Variants in OTOGL observed in about 807,000 individuals in gnomAD.
OTOGL encodes otogelin-like protein.
In OTOGL, 285 loss-of-function variants were observed where a neutral mutation model predicts 318.5. The observed-to-expected ratio is 0.89, with a 90% confidence interval of 0.81 to 0.99. The LOEUF is 0.99. OTOGL is among the 50% of genes least tolerant of loss of function. The pLI, the probability that OTOGL is intolerant of heterozygous loss-of-function variation, is 0.00. For synonymous variants in OTOGL, 987 were observed against 936.5 expected, an observed-to-expected ratio of 1.05 and a Z score of -0.99; for missense variants, 2,899 against 2,845.6, an observed-to-expected ratio of 1.02 and a Z score of -0.43.
chr12:80,180,013 TGTA>T (rs1874807668), intron 1 of OTOGL, among the ~76,000 whole-genome samples: 1 of 152,236 alleles, frequency 6.6e-6, no homozygotes, highest in East Asian at 1.9e-4. Flanking sequence ...TGCCAGAAGA[TGTA>T]GTCTAAGCTG....
Position 80,166,194 on chromosome 12 carries a change from CCT to C in OTOGL, c.-19-43203_-19-43202del, listed in dbSNP as rs3045762. ...TCCTTTCCTCTCTCCCTCCCTTCTT[CCT>C]CTCTCTCTCTCTCTCCCTCCTTTCC... On this transcript the variant is annotated intron_variant, in intron 1 of 58. Transcript: ENST00000547103. 8.7e-4 allele frequency among the ~76,000 whole-genome samples: 128 copies of C among 147,580 alleles called. 1 individual carries two copies. The highest frequency in any genetic ancestry group is 3.5e-3 in the Middle Eastern group (1 of 284).
intron 1 of OTOGL, among the ~76,000 whole-genome samples, chr12:80,105,560 G>C: frequency 6.6e-6 from 1 of 152,070 alleles, no homozygotes; most frequent in Non-Finnish European, 1.5e-5. Context: ...TTCTAATTAA[G>C]ACCCTTTTCA....
At chr12:80,336,685 A>G in intron 40 of OTOGL, 112 bp from the exon 41 acceptor site, 2 of 1,409,790 alleles carry the variant, frequency 1.4e-6, no homozygotes, top group Non-Finnish European at 1.9e-6. Flanking sequence ...ATAATGTTTC[A>G]GAAACATTTC....
Position 80,353,520 on chromosome 12 carries a change from A to G in OTOGL, c.5593+10A>G. The G allele has an allele frequency of 6.6e-7, 1 of 1,514,626 alleles. No homozygotes were observed. The highest frequency in any genetic ancestry group is 2.4e-5 in the East Asian group (1 of 42,458). The allele number at this position is 1,514,626 out of a possible 1,614,324, so 93.8% of individuals were successfully genotyped here. On this transcript the variant is annotated intron_variant, in intron 46 of 58. Transcript: ENST00000547103. ...CCAGAGAAAGAGTGTGGTAAGACAC[A>G]AAGTACAAAATGACTTCTCAGGAAT...
intron 1 of OTOGL, among the ~76,000 whole-genome samples, chr12:80,145,113 A>C (rs935229671): frequency 6.6e-6 from 1 of 151,370 alleles, no homozygotes; most frequent in African/African-American, 2.4e-5. Flanking sequence ...TTGGTGTTTT[A>C]GACATGAAGT....
intron 35 of OTOGL, among the ~76,000 whole-genome samples, chr12:80,324,967 G>A (rs1203379617): frequency 6.6e-6 from 1 of 152,024 alleles, no homozygotes; most frequent in African/African-American, 2.4e-5. Flanking sequence ...ATGGAAAATT[G>A]TTCATTGGAT....
intron 1 of OTOGL, among the ~76,000 whole-genome samples, chr12:80,136,410 G>A (rs1386003693): frequency 6.6e-6 from 1 of 152,192 alleles, no homozygotes; most frequent in Non-Finnish European, 1.5e-5. Context: ...TAGTAAAATA[G>A]CCTCTTGCCA....
chr12:80,364,425 A>G (rs1592761002), intron 52 of OTOGL, among the ~76,000 whole-genome samples: 2 of 152,318 alleles, frequency 1.3e-5, no homozygotes. Context: ...TTAAATTCAC[A>G]TAACATACAA....
chr12:80,308,411 C>T (rs992877223), intron 29 of OTOGL, among the ~76,000 whole-genome samples: 25 of 151,802 alleles, frequency 1.6e-4, no homozygotes, highest in Admixed American at 6.6e-4. Context: ...AGACGATGGG[C>T]GGCCGGGCAG....
At position 80,229,379 on chromosome 12, in the gene OTOGL, G is replaced by A. The variant is rs1879162701; in HGVS notation, c.611+1G>A. 1 of 1,594,320 alleles carries A rather than the reference G, an allele frequency of 6.3e-7. No homozygotes were observed. On this transcript the variant is annotated splice_donor_variant, in intron 8 of 58. Coordinates refer to ENST00000547103, the MANE Select transcript of OTOGL (RefSeq NM_001378609.3). LOFTEE classifies it high-confidence loss of function. Reference sequence around the variant, plus strand: ...ATGAAATAAAAAAGAATGGAATCAGGTAGGATATGGGAAACAGTGAAATGT... The same window carrying A: ...ATGAAATAAAAAAGAATGGAATCAGATAGGATATGGGAAACAGTGAAATGT...
intron 29 of OTOGL, 40 bp from the exon 30 acceptor site, chr12:80,310,571 C>T (rs912980870): frequency 7.2e-7 from 1 of 1,389,184 alleles, no homozygotes; most frequent in Non-Finnish European, 1.0e-6. Flanking sequence ...AGAAATTGTC[C>T]CTTTGAAAAC....
intron 27 of OTOGL, among the ~76,000 whole-genome samples, chr12:80,301,581 G>A (rs537852106): frequency 6.6e-6 from 1 of 152,204 alleles, no homozygotes; most frequent in East Asian, 1.9e-4. Context: ...CTTGATTCAA[G>A]CCATTTCTTT....
chr12:80,307,484 G>A (rs1341894876), intron 29 of OTOGL, among the ~76,000 whole-genome samples: 15 of 150,150 alleles, frequency 1.0e-4, no homozygotes, highest in Non-Finnish European at 1.6e-4. Flanking sequence ...GCCGGGCAGA[G>A]GGGCTCCTCA....
chr12:80,367,877 T>G (rs1381910479), intron 54 of OTOGL, 138 bp downstream of exon 54: 2 of 638,852 alleles, frequency 3.1e-6, no homozygotes, highest in African/African-American at 3.8e-5. Flanking sequence ...TATTTTGTAA[T>G]ATATCAATAA....
At chr12:80,159,492 A>C (rs1873355753) in intron 1 of OTOGL, among the ~76,000 whole-genome samples, 3 of 151,994 alleles carry the variant, frequency 2.0e-5, no homozygotes, top group Admixed American at 1.3e-4. Context: ...TTTTTTTATT[A>C]CCATTTCAAT....
intron 23 of OTOGL, among the ~76,000 whole-genome samples, chr12:80,270,754 AT>A (rs1883347798): frequency 1.3e-5 from 2 of 152,126 alleles, no homozygotes; most frequent in Non-Finnish European, 2.9e-5. Flanking sequence ...GTCATTTTAA[AT>A]ACCTTTCCTA....
intron 34 of OTOGL, among the ~76,000 whole-genome samples, chr12:80,323,431 C>T (rs1359741238): frequency 6.6e-6 from 1 of 152,064 alleles, no homozygotes; most frequent in Non-Finnish European, 1.5e-5. Context: ...GGTGGATCAC[C>T]TGAGGTTAGG....
intron 35 of OTOGL, among the ~76,000 whole-genome samples, chr12:80,324,893 G>A (rs1021955851): frequency 1.3e-5 from 2 of 152,146 alleles, no homozygotes; most frequent in African/African-American, 4.8e-5. Context: ...AGATAAGGAA[G>A]ATGTTAGAAG....
rs1035590619 is a variant in OTOGL, at chr12:80,287,831, T to C, written c.2928+8665T>C. 8.5e-5 allele frequency among the ~76,000 whole-genome samples: 13 copies of C among 152,174 alleles called. 1 individual carries two copies. The highest frequency in any genetic ancestry group is 4.4e-5 in the Non-Finnish European group (3 of 68,022). On this transcript the variant is annotated intron_variant, in intron 26 of 58. Coordinates refer to ENST00000547103, the MANE Select transcript of OTOGL (RefSeq NM_001378609.3). ...GGGTCTCCTGAATATAGCACAGCAA[T>C]GGGTCTTGACTCCTTGTCCAATTTG...
Sources: allele counts gnomAD v4.1 joint callset (sites outside exome capture counted in the v4.1 genomes callset), GRCh38; gene constraint gnomAD v4.1.1; transcripts MANE v1.5; gene names NCBI Gene and HGNC (gene_info 2026-07-23, HGNC 2026-07-21).